The following MYO16 variants were observed in gnomAD, a reference collection of about 807,000 sequenced individuals.
MYO16 encodes unconventional myosin-XVI.
In MYO16, 94 loss-of-function variants were observed where a neutral mutation model predicts 205.3. The observed-to-expected ratio is 0.46, with a 90% confidence interval of 0.39 to 0.54. The LOEUF (loss-of-function observed/expected upper bound fraction) is 0.54, where lower values mean the gene tolerates loss of function less well. Ranked by LOEUF, MYO16 falls within the 20% of genes least tolerant of loss-of-function variation. The pLI is 0.00. For synonymous variants in MYO16, 988 were observed against 954.0 expected (o/e 1.04, Z -0.66); for missense variants, 2,315 against 2,387.5 (o/e 0.97, Z 0.63).
intron 16 of MYO16, among the ~76,000 whole-genome samples, chr13:108,913,045 A>G (rs1881336127): frequency 6.6e-6 from 1 of 152,164 alleles, no homozygotes; most frequent in South Asian, 2.1e-4. Flanking sequence ...TCTTTGCAAA[A>G]AAGAGTTTGG....
At chr13:108,960,915 TCTTGCCAACATC>T (rs1883556776) in intron 17 of MYO16, among the ~76,000 whole-genome samples, 1 of 152,212 alleles carries the variant, frequency 6.6e-6, no homozygotes, top group Admixed American at 6.5e-5. Context: ...CAAAGATAGC[TCTTGCCAACATC>T]CATTTTTTTC....
At chr13:109,090,315 G>T (rs1401520177) in intron 27 of MYO16, among the ~76,000 whole-genome samples, 3 of 152,198 alleles carry the variant, frequency 2.0e-5, no homozygotes, top group Admixed American at 6.5e-5. Context: ...AGGTGCAAAA[G>T]CCATCGCAAG....
chr13:109,051,503 A>C, intron 24 of MYO16, among the ~76,000 whole-genome samples: 1 of 152,268 alleles, frequency 6.6e-6, no homozygotes, highest in African/African-American at 2.4e-5. Context: ...AAGGACACTT[A>C]GGCTTAAAAA....
At chr13:108,894,920 A>C (rs1188476390) in intron 14 of MYO16, among the ~76,000 whole-genome samples, 1 of 152,222 alleles carries the variant, frequency 6.6e-6, no homozygotes, top group Non-Finnish European at 1.5e-5. Flanking sequence ...TTGGAACAGA[A>C]AAGTCATGTT....
intron 1 of MYO16, among the ~76,000 whole-genome samples, chr13:108,615,936 C>G (rs1426775705): frequency 1.3e-5 from 2 of 152,036 alleles, no homozygotes; most frequent in Non-Finnish European, 2.9e-5. Flanking sequence ...ATTTTCTTAC[C>G]CACCTTCCTT....
chr13:108,731,481 C>A (rs1884520496), intron 4 of MYO16, among the ~76,000 whole-genome samples: 1 of 152,168 alleles, frequency 6.6e-6, no homozygotes, highest in South Asian at 2.1e-4. Context: ...CTTTAGCACA[C>A]AAATCATCTC....
chr13:109,098,503 CAA>C (rs1342632138), intron 27 of MYO16, among the ~76,000 whole-genome samples: 1 of 152,134 alleles, frequency 6.6e-6, no homozygotes, highest in Non-Finnish European at 1.5e-5. Context: ...CTTCATAGCC[CAA>C]GTCTTTCCAC....
chr13:108,866,706 T>C (rs1375029752), intron 12 of MYO16, among the ~76,000 whole-genome samples: 1 of 152,164 alleles, frequency 6.6e-6, no homozygotes, highest in African/African-American at 2.4e-5. Context: ...AAAAGAGAAA[T>C]TACTTGTAGA....
At chr13:108,571,597 T>G in the MYO16 span, among the ~76,000 whole-genome samples, 1 of 152,156 alleles carries the variant, frequency 6.6e-6, no homozygotes, top group Admixed American at 6.5e-5. Context: ...CCACTCTCTT[T>G]GAGTGAAAGA....
At chr13:109,161,916 T>C (rs189591484) in intron 32 of MYO16, among the ~76,000 whole-genome samples, 1 of 151,868 alleles carries the variant, frequency 6.6e-6, no homozygotes, top group Admixed American at 6.6e-5. Context: ...GATGAAACCC[T>C]CACTCTCCTA....
chr13:108,521,705 A>G, the MYO16 span, among the ~76,000 whole-genome samples: 1 of 152,166 alleles, frequency 6.6e-6, no homozygotes, highest in South Asian at 2.1e-4. Flanking sequence ...CTTTGCTTGT[A>G]AATGTAATTA....
intron 23 of MYO16, among the ~76,000 whole-genome samples, chr13:109,046,074 A>T (rs1887035731): frequency 6.6e-6 from 1 of 151,952 alleles, no homozygotes; most frequent in African/African-American, 2.4e-5. Flanking sequence ...CTCATGGCTG[A>T]TGCTCACCCC....
At chr13:109,142,121 AC>A (rs947103140) in intron 32 of MYO16, among the ~76,000 whole-genome samples, 1 of 152,172 alleles carries the variant, frequency 6.6e-6, no homozygotes, top group East Asian at 1.9e-4. Context: ...TTTCATGACG[AC>A]GTTTTTTGCC....
At chr13:109,166,451 A>ACC (rs1335831611) in intron 33 of MYO16, among the ~76,000 whole-genome samples, 1 of 152,192 alleles carries the variant, frequency 6.6e-6, no homozygotes, top group Non-Finnish European at 1.5e-5. Context: ...AAGAATGGAA[A>ACC]CTCCAGACAA....
the MYO16 span, among the ~76,000 whole-genome samples, chr13:108,547,343 A>G: frequency 6.6e-6 from 1 of 151,572 alleles, no homozygotes; most frequent in African/African-American, 2.4e-5. Flanking sequence ...ATTCACTGGT[A>G]CCCACAAGCA....
intron 10 of MYO16, among the ~76,000 whole-genome samples, chr13:108,849,246 A>C (rs1175671854): frequency 6.6e-6 from 1 of 152,122 alleles, no homozygotes; most frequent in Non-Finnish European, 1.5e-5. Context: ...ACTGGAGTAC[A>C]ATGGTGCCAT....
intron 27 of MYO16, among the ~76,000 whole-genome samples, chr13:109,056,880 A>G (rs1887434094): frequency 2.6e-5 from 4 of 152,294 alleles, no homozygotes; most frequent in East Asian, 3.9e-4. Context: ...GTAAACTAAT[A>G]TAAGTATTGC....
chr13:109,177,740 C>T (rs1879272690), intron 33 of MYO16, among the ~76,000 whole-genome samples: 1 of 152,170 alleles, frequency 6.6e-6, no homozygotes, highest in South Asian at 2.1e-4. Flanking sequence ...TGGTCTCGAT[C>T]TCCTGACCTC....
chr13:108,536,838 T>G, the MYO16 span, among the ~76,000 whole-genome samples: 1 of 152,132 alleles, frequency 6.6e-6, no homozygotes, highest in African/African-American at 2.4e-5. Flanking sequence ...ATATTTAAAA[T>G]CTAAACCTGT....
Sources: allele counts gnomAD v4.1 joint callset (sites outside exome capture counted in the v4.1 genomes callset), GRCh38; gene constraint gnomAD v4.1.1; transcripts MANE v1.5; gene names NCBI Gene and HGNC (gene_info 2026-07-23, HGNC 2026-07-21).